The following ERCC6 variants were observed in gnomAD, a reference collection of about 807,000 sequenced individuals.
The protein encoded by ERCC6 is DNA excision repair protein ERCC-6.
Under a neutral mutation model 158.7 loss-of-function variants are expected in ERCC6, and 116 were observed. The ratio of observed to expected loss-of-function variants is 0.73; its 90% CI spans 0.63 to 0.85. ERCC6 has a LOEUF of 0.85. Ranked by LOEUF, ERCC6 falls within the 40% of genes least tolerant of loss-of-function variation. The pLI, the probability that ERCC6 is intolerant of heterozygous loss-of-function variation, is 0.00. For synonymous variants in ERCC6, 678 were observed against 659.3 expected (o/e 1.03, Z -0.43); for missense variants, 1,698 against 1,799.4 (o/e 0.94, Z 1.02).
chr10:49,449,895 T>G (rs189549290), downstream of ERCC6, among the ~76,000 whole-genome samples: 260 of 147,956 alleles, frequency 1.8e-3, 1 homozygote, highest in African/African-American at 6.1e-3. Flanking sequence ...TTTTTTGAGA[T>G]AGGGTCTTGC....
chr10:49,436,205 T>G, the ERCC6 span, among the ~76,000 whole-genome samples: 1 of 152,106 alleles, frequency 6.6e-6, no homozygotes, highest in South Asian at 2.1e-4. Flanking sequence ...TAATTCTAGC[T>G]GGATTAAGTA....
chr10:49,522,345 G>C (rs1837190164), intron 5 of ERCC6, among the ~76,000 whole-genome samples: 1 of 152,166 alleles, frequency 6.6e-6, no homozygotes, highest in Non-Finnish European at 1.5e-5. Context: ...CAGCACCAAA[G>C]GAGATGTAAT....
chr10:49,459,351 A>C (rs1850536941), intron 20 of ERCC6, 117 bp from the exon 21 acceptor site: 1 of 1,039,546 alleles, frequency 9.6e-7, no homozygotes, highest in African/African-American at 1.6e-5. Context: ...GGTGAGGTTG[A>C]CAGGGTGAGA....
At chr10:49,520,824 G>A (rs1357866956) in intron 5 of ERCC6, among the ~76,000 whole-genome samples, 1 of 152,124 alleles carries the variant, frequency 6.6e-6, no homozygotes, top group African/African-American at 2.4e-5. Flanking sequence ...AACCTCCAAG[G>A]CAATCCAAAT....
rs2229760 is a variant in ERCC6 at position 49,472,987 on chromosome 10, G to T, written c.2751C>A (p.Gly917=). The stretch of plus-strand genomic sequence containing the variant: ...CCCCCGTCAGGTTGACACCTAAGCC[G>T]CCCACCCGCGTGGTCAGAAGAAACA... ...IFVFLLTTRV[G]GLGVNLTGAN... The change falls in exon 15 of 21, where the codon GGC becomes GGA. Residue 917 remains glycine, a synonymous_variant. Transcript: ENST00000355832. 1 of 1,613,500 alleles carries T rather than the reference G, an allele frequency of 6.2e-7. No individual in the cohort carries two copies.
At chr10:49,512,903 A>T (rs960457072) in intron 5 of ERCC6, among the ~76,000 whole-genome samples, 1 of 152,192 alleles carries the variant, frequency 6.6e-6, no homozygotes, top group Non-Finnish European at 1.5e-5. Flanking sequence ...GGATTTTCGG[A>T]CTAGGGATGG....
chr10:49,470,580 C>T lies in ERCC6; in HGVS notation c.3380G>A (p.Gly1127Glu). ...TGTTCCTGAAGAATTTGAACATTCC[C>T]CATTTCCACTAATCACTGACAACTC... ...PEELSVISGN[G>E]ECSNSSGTGK... is the part of the protein sequence containing the mutation. The change falls in exon 18 of 21, where the codon GGG becomes GAG. Residue 1127 changes from glycine to glutamate, a missense_variant. Transcript: ENST00000355832. 1 of 1,614,088 alleles carries T rather than the reference C, an allele frequency of 6.2e-7. No individual in the cohort carries two copies. Among genetic ancestry groups the T allele is most frequent in the Non-Finnish European group, 8.5e-7 (1 of 1,179,992 alleles).
intron 1 of ERCC6, among the ~76,000 whole-genome samples, chr10:49,537,086 C>T (rs1837614600): frequency 6.6e-6 from 1 of 152,106 alleles, no homozygotes. Flanking sequence ...TGGCTCATGC[C>T]TGTAATCCCA....
intron 3 of ERCC6, among the ~76,000 whole-genome samples, chr10:49,530,496 A>ACAGT (rs1435722296): frequency 1.3e-5 from 2 of 152,198 alleles, no homozygotes; most frequent in African/African-American, 2.4e-5. Context: ...ATACGTATGG[A>ACAGT]TGTGTGTGTC....
the ERCC6 span, among the ~76,000 whole-genome samples, chr10:49,440,806 T>C: frequency 6.6e-6 from 1 of 152,032 alleles, no homozygotes; most frequent in South Asian, 2.1e-4. Flanking sequence ...GTTACAGGAA[T>C]GGGGCAGGCA....
intron 20 of ERCC6, 137 bp downstream of exon 20, chr10:49,460,236 C>T: frequency 1.4e-6 from 1 of 710,934 alleles, no homozygotes; most frequent in Non-Finnish European, 2.6e-6. Flanking sequence ...CATCGTAAAT[C>T]AGAGCGTGCA....
intron 5 of ERCC6, among the ~76,000 whole-genome samples, chr10:49,519,129 T>C (rs534686960): frequency 1.3e-5 from 2 of 152,302 alleles, no homozygotes; most frequent in South Asian, 4.1e-4. Context: ...GGTTTTTGGT[T>C]TGGTTTTCAG....
At chr10:49,524,905 T>C in intron 4 of ERCC6, 128 bp from the exon 5 acceptor site, 2 of 1,527,640 alleles carry the variant, frequency 1.3e-6, no homozygotes, top group Non-Finnish European at 1.8e-6. Context: ...ATCATCCATG[T>C]ACTAAAGCAT....
At position 49,458,721 on chromosome 10, in the gene ERCC6, A is replaced by G. The variant is rs1201000819; in HGVS notation, c.*94T>C. ...ATGCAAACAAACATCAAGTGCAGCC[A>G]ACTTCCATTGACAAACATGATTATT... On this transcript the variant is annotated 3_prime_UTR_variant, in exon 21 of 21. Transcript: ENST00000355832. 7.7e-7 allele frequency: 1 copy of G among 1,300,324 alleles called. No homozygotes were observed. The highest frequency in any genetic ancestry group is 1.1e-6 in the Non-Finnish European group (1 of 907,368). The allele number at this position is 1,300,324 out of a possible 1,614,324, so 80.5% of individuals were successfully genotyped here.
Position 49,484,940 on chromosome 10 carries a change from C to T in ERCC6, c.1822-1424G>A, listed in dbSNP as rs533680447. On this transcript the variant is annotated intron_variant, in intron 8 of 20. Coordinates refer to ENST00000355832, the MANE Select transcript of ERCC6 (RefSeq NM_000124.4). ...GGAAAAGTGGTGACCATGGATTCTACATCAATCCAAACTAGCAGTCATGCT... is the reference window on the plus strand; with the variant it reads ...GGAAAAGTGGTGACCATGGATTCTATATCAATCCAAACTAGCAGTCATGCT... Among the ~76,000 whole-genome samples, 5 of 152,324 alleles carry T rather than the reference C, an allele frequency of 3.3e-5. No homozygotes were observed. The South Asian group carries it at 1.0e-3, about 32-fold the overall frequency.
At chr10:49,516,102 G>C (rs1476578244) in intron 5 of ERCC6, 1 of 1,614,026 alleles carries the variant, frequency 6.2e-7, no homozygotes, top group Non-Finnish European at 8.5e-7. Context: ...CTCTGTAAGT[G>C]CCTCACTAAA....
At chr10:49,461,763 C>T (rs902580167) in intron 18 of ERCC6, among the ~76,000 whole-genome samples, 1 of 152,142 alleles carries the variant, frequency 6.6e-6, no homozygotes, top group African/African-American at 2.4e-5. Context: ...TATAACCTTC[C>T]TATTTACAAA....
intron 1 of ERCC6, among the ~76,000 whole-genome samples, chr10:49,536,841 A>T (rs903277527): frequency 6.6e-6 from 1 of 152,212 alleles, no homozygotes; most frequent in African/African-American, 2.4e-5. Flanking sequence ...TGCTGAGAAG[A>T]GTAGCTGAAG....
chr10:49,437,666 T>G, the ERCC6 span, among the ~76,000 whole-genome samples: 1 of 152,150 alleles, frequency 6.6e-6, no homozygotes, highest in African/African-American at 2.4e-5. Context: ...GGGAGCCTCT[T>G]CTGCCAAGAA....
Sources: gnomAD v4.1 joint callset for allele counts (sites outside exome capture counted in the v4.1 genomes callset) on GRCh38, gnomAD v4.1.1 for gene constraint, MANE v1.5 for transcripts, NCBI Gene and HGNC (gene_info 2026-07-23, HGNC 2026-07-21) for gene names.